Variants in AGBL4 observed in about 807,000 individuals in gnomAD.
The protein encoded by AGBL4 is AGBL carboxypeptidase 4, also known as cytosolic carboxypeptidase 6.
Under a neutral mutation model 66.4 loss-of-function variants are expected in AGBL4, and 58 were observed. The ratio of observed to expected loss-of-function variants is 0.87; its 90% confidence interval spans 0.71 to 1.09. The LOEUF is 1.09. Ranked by LOEUF, AGBL4 falls within the 50% of genes least tolerant of loss-of-function variation. The pLI is 0.00. For synonymous variants in AGBL4, 234 were observed against 222.9 expected (o/e 1.05, Z -0.44); for missense variants, 579 against 631.0 (o/e 0.92, Z 0.88).
chr1:49,054,345 T>A (rs1039447372), intron 4 of AGBL4, among the ~76,000 whole-genome samples: 2 of 152,052 alleles, frequency 1.3e-5, no homozygotes, highest in Admixed American at 6.6e-5. Flanking sequence ...CTATTGAAGC[T>A]AAAATACTGT....
At chr1:48,955,766 G>A (rs372504631) in intron 5 of AGBL4, among the ~76,000 whole-genome samples, 26 of 152,302 alleles carry the variant, frequency 1.7e-4, no homozygotes, top group Non-Finnish European at 2.2e-4. Context: ...GGATTTGCCC[G>A]TGGCTGGATG....
intron 3 of AGBL4, among the ~76,000 whole-genome samples, chr1:49,673,693 G>C (rs940880488): frequency 6.6e-6 from 1 of 152,076 alleles, no homozygotes; most frequent in Non-Finnish European, 1.5e-5. Context: ...AATATTTACA[G>C]AGCACTTAGT....
intron 3 of AGBL4, among the ~76,000 whole-genome samples, chr1:49,349,053 T>G (rs569723292): frequency 5.3e-5 from 8 of 152,350 alleles, no homozygotes; most frequent in African/African-American, 1.9e-4. Flanking sequence ...TTTCTATATA[T>G]TACTCTAAAA....
At chr1:49,189,728 T>C (rs1647079811) in intron 4 of AGBL4, among the ~76,000 whole-genome samples, 2 of 152,098 alleles carry the variant, frequency 1.3e-5, no homozygotes, top group South Asian at 4.1e-4. Flanking sequence ...AAAGGCAAGA[T>C]CCTGATAATG....
chr1:49,377,259 A>T (rs945152555), intron 3 of AGBL4, among the ~76,000 whole-genome samples: 1 of 152,102 alleles, frequency 6.6e-6, no homozygotes, highest in Non-Finnish European at 1.5e-5. Flanking sequence ...TCAGGACAGT[A>T]ATTATGTACT....
intron 3 of AGBL4, among the ~76,000 whole-genome samples, chr1:49,527,036 T>C (rs144980962): frequency 2.0e-5 from 3 of 152,312 alleles, no homozygotes; most frequent in East Asian, 1.9e-4. Context: ...CTTTCTCTTA[T>C]TTAAGTAACA....
At chr1:48,801,303 G>A (rs145955793) in intron 6 of AGBL4, among the ~76,000 whole-genome samples, 6 of 152,288 alleles carry the variant, frequency 3.9e-5, no homozygotes, top group Admixed American at 6.5e-5. Flanking sequence ...TGCCCACACC[G>A]TTGGCTGCAG....
At chr1:49,244,858 C>A (rs766784295) in intron 4 of AGBL4, among the ~76,000 whole-genome samples, 1 of 151,740 alleles carries the variant, frequency 6.6e-6, no homozygotes, top group African/African-American at 2.4e-5. Context: ...GTTAATAATA[C>A]TAGGTTTTTG....
chr1:48,807,837 T>C (rs1645961696), intron 6 of AGBL4, among the ~76,000 whole-genome samples: 1 of 107,818 alleles, frequency 9.3e-6, no homozygotes, highest in Non-Finnish European at 2.5e-5. Flanking sequence ...TCTCCCTGTA[T>C]TGTTCTGGGC....
chr1:48,953,894 G>C (rs572666118), intron 5 of AGBL4, among the ~76,000 whole-genome samples: 16 of 152,322 alleles, frequency 1.1e-4, no homozygotes, highest in African/African-American at 3.1e-4. Flanking sequence ...CTTAGAGGTA[G>C]AGTAGCCTGA....
intron 3 of AGBL4, among the ~76,000 whole-genome samples, chr1:49,475,499 G>T (rs115315337): frequency 3.9e-5 from 6 of 152,002 alleles, no homozygotes; most frequent in Non-Finnish European, 7.4e-5. Flanking sequence ...GTTTCAGTAG[G>T]ATTGATAGCA....
intron 4 of AGBL4, among the ~76,000 whole-genome samples, chr1:49,104,593 C>A (rs984762413): frequency 1.4e-4 from 22 of 152,176 alleles, no homozygotes; most frequent in African/African-American, 5.3e-4. Flanking sequence ...CAGAGCTTAA[C>A]CTTGGCAGAT....
At chr1:49,410,012 A>G (rs1252583766) in intron 3 of AGBL4, among the ~76,000 whole-genome samples, 2 of 152,186 alleles carry the variant, frequency 1.3e-5, no homozygotes, top group African/African-American at 2.4e-5. Context: ...AAAATTTTCT[A>G]CAGATGGATG....
At chr1:49,230,071 G>A (rs1054937799) in intron 4 of AGBL4, among the ~76,000 whole-genome samples, 2 of 152,208 alleles carry the variant, frequency 1.3e-5, no homozygotes, top group Admixed American at 6.5e-5. Flanking sequence ...ACCTGGGTCT[G>A]TCTTCATATC....
intron 1 of AGBL4, among the ~76,000 whole-genome samples, chr1:49,948,219 TATAAATATATATAAATATATAA>T (rs1557608986): frequency 1.9e-5 from 2 of 103,546 alleles, no homozygotes; most frequent in Admixed American, 1.4e-4. Context: ...TATAAATATA[TATAAATATATATAAATATATAA>T]ATAAATACAT....
chr1:48,621,246 A>G (rs1460688313), intron 9 of AGBL4, among the ~76,000 whole-genome samples: 1 of 152,180 alleles, frequency 6.6e-6, no homozygotes, highest in Non-Finnish European at 1.5e-5. Flanking sequence ...GATAGATGGA[A>G]AGAGAGATAG....
chr1:49,481,309 T>C (rs567731470), intron 3 of AGBL4, among the ~76,000 whole-genome samples: 2 of 152,074 alleles, frequency 1.3e-5, no homozygotes, highest in Admixed American at 1.3e-4. Flanking sequence ...ATTTGAGTGG[T>C]TGGTTTGTAG....
At chr1:48,925,517 GT>G (rs1013189833) in intron 5 of AGBL4, among the ~76,000 whole-genome samples, 48 of 150,780 alleles carry the variant, frequency 3.2e-4, no homozygotes, top group Non-Finnish European at 5.2e-4. Flanking sequence ...TTTTTTTTGT[GT>G]TTTTTTTTAA....
At chr1:49,477,748 G>T (rs1002509097) in intron 3 of AGBL4, among the ~76,000 whole-genome samples, 1 of 151,956 alleles carries the variant, frequency 6.6e-6, no homozygotes, top group Non-Finnish European at 1.5e-5. Flanking sequence ...TGGAGAAAGA[G>T]ATATGTGACC....
Sources: allele counts gnomAD v4.1 joint callset (sites outside exome capture counted in the v4.1 genomes callset), GRCh38; gene constraint gnomAD v4.1.1; transcripts MANE v1.5; gene names NCBI Gene and HGNC (gene_info 2026-07-23, HGNC 2026-07-21).